DMBT1: variants seen among roughly 807,000 people sequenced by gnomAD.
The protein encoded by DMBT1 is scavenger receptor cysteine-rich domain-containing protein DMBT1.
DMBT1 carries 198 observed loss-of-function variants against 252.9 expected under a neutral mutation model. The ratio of observed to expected loss-of-function variants is 0.78; its 90% CI spans 0.70 to 0.88. DMBT1 has a LOEUF of 0.88. Ranked by LOEUF, DMBT1 falls within the 40% of genes least tolerant of loss-of-function variation. The pLI is 0.00. For synonymous variants in DMBT1, 990 were observed against 942.7 expected, an observed-to-expected ratio of 1.05 and a Z score of -0.92; for missense variants, 2,432 against 2,404.7, an observed-to-expected ratio of 1.01 and a Z score of -0.24.
chr10:122,587,844 C>A (rs1403534901), intron 16 of DMBT1, among the ~76,000 whole-genome samples: 1 of 148,446 alleles, frequency 6.7e-6, no homozygotes, highest in Non-Finnish European at 1.5e-5. Context: ...CAGATGTGTC[C>A]ATTAGTCCAT....
chr10:122,598,273 CT>C (rs1331536327), intron 25 of DMBT1, among the ~76,000 whole-genome samples: 6 of 152,110 alleles, frequency 3.9e-5, no homozygotes, highest in African/African-American at 1.4e-4. Context: ...AGGAAAAGCC[CT>C]GGAGGGTTCC....
chr10:122,618,268 T>C lies in DMBT1; in HGVS notation c.5143T>C (p.Trp1715Arg). 2 of 1,613,818 alleles carry C rather than the reference T, an allele frequency of 1.2e-6. No individual in the cohort carries two copies. Among genetic ancestry groups the C allele is most frequent in the Non-Finnish European group, 1.7e-6 (2 of 1,179,750 alleles). ...CTGCTCAGGACACGAGTCTTACCTG[T>C]GGAGCTGCCCCCACAATGGCTGGCT... ...VRCSGHESYL[W>R]SCPHNGWLSH... The change falls in exon 41 of 56, where the codon TGG becomes CGG. Residue 1715 changes from tryptophan (W) to arginine (R), a missense_variant. By Grantham distance (101) the Trp-to-Arg change is moderately radical (BLOSUM62 -3). Coordinates refer to ENST00000338354, the MANE Select transcript of DMBT1 (RefSeq NM_001377530.1).
rs111541582 is a variant in DMBT1 at position 122,561,569 on chromosome 10, CCTCTCT to C, written c.61+749_61+754del. Among the ~76,000 whole-genome samples, 171 of 90,340 alleles carry C rather than the reference CCTCTCT, an allele frequency of 1.9e-3. 1 individual carries two copies. Among genetic ancestry groups the C allele is most frequent in the African/African-American group, 6.3e-3 (150 of 23,792 alleles). 59.3% of individuals were successfully genotyped at this position (90,340 alleles called of 152,430 possible). On this transcript the variant is annotated intron_variant, in intron 1 of 55. Transcript: ENST00000338354. ...TTGTCTCTCTCTTCCTGTCTCTCTG[CCTCTCT>C]CTCTCTCTCTTTCTCTCTTATCTAT...
At chr10:122,622,803 T>A (rs978113953) in intron 44 of DMBT1, among the ~76,000 whole-genome samples, 1 of 152,218 alleles carries the variant, frequency 6.6e-6, no homozygotes, top group African/African-American at 2.4e-5. Context: ...TGCTACTTTT[T>A]AAAATAGGAA....
chr10:122,578,170 G>T (rs554014363), intron 8 of DMBT1, among the ~76,000 whole-genome samples: 2 of 152,158 alleles, frequency 1.3e-5, no homozygotes, highest in African/African-American at 4.8e-5. Flanking sequence ...AATTGAGGGT[G>T]AGACCCTCTA....
At chr10:122,639,033 T>C (rs2684743) in intron 54 of DMBT1, among the ~76,000 whole-genome samples, 84,709 of 152,124 alleles carry the variant, frequency 0.56, 26,217 homozygotes, top group African/African-American at 0.84. Flanking sequence ...GTCTAAGACA[T>C]AGAAGTAGGG....
chr10:122,572,468 C>T lies in DMBT1; in HGVS notation c.235+107C>T, dbSNP rs917973356. On this transcript the variant is annotated intron_variant, in intron 5 of 55. Coordinates refer to ENST00000338354, the MANE Select transcript of DMBT1 (RefSeq NM_001377530.1). The stretch of plus-strand genomic sequence containing the variant: ...GAGGACATAGAAAGTAGTGTGCTGG[C>T]GTCAGGTGCTCAGGTAGTGTGGATA... The T allele has an allele frequency of 2.5e-5, 37 of 1,470,382 alleles. 2 individuals carry two copies. Among genetic ancestry groups the T allele is most frequent in the South Asian group, 2.4e-4 (21 of 87,878 alleles). The allele number at this position is 1,470,382 out of a possible 1,614,324, so 91.1% of individuals were successfully genotyped here. A position where few individuals can be genotyped will look rare whatever the true frequency, so the allele number is the denominator to read the frequency against.
At chr10:122,566,346 T>TCACC (rs5788573) in intron 2 of DMBT1, among the ~76,000 whole-genome samples, 99,926 of 149,442 alleles carry the variant, frequency 0.67, 33,855 homozygotes, top group East Asian at 0.77. Flanking sequence ...GGAGTCTTGC[T>TCACC]CTGTCACCAG....
rs575856961 is a variant in DMBT1, at chr10:122,598,447, G to GA, written c.2957-326dup. Among the ~76,000 whole-genome samples, 479 of 152,294 alleles carry GA rather than the reference G, an allele frequency of 3.1e-3. 2 individuals carry two copies. The highest frequency in any genetic ancestry group is 0.01 in the African/African-American group (436 of 41,572). On this transcript the variant is annotated intron_variant, in intron 25 of 55. Transcript: ENST00000338354. The stretch of plus-strand genomic sequence containing the variant: ...ACCATAGGATTGCCACCAAGCTCCT[G>GA]AGATGGGGAGAGTCTGGCCTGCCTA...
chr10:122,620,193 T>G (rs2098049866), intron 42 of DMBT1, 60 bp from the exon 43 acceptor site: 4 of 1,566,594 alleles, frequency 2.6e-6, no homozygotes, highest in Admixed American at 1.7e-5. Context: ...CAGAGATTTT[T>G]TTTTGTAGCT....
rs748250744 is a variant in DMBT1 at position 122,590,730 on chromosome 10, T to C, written c.2137+36T>C. Reference sequence around the variant, plus strand: ...AGTGTCCTTCCTTGGGATGTCCCTTTTCTTTCTGCACAATTATCCTTTTTC... The same window carrying C: ...AGTGTCCTTCCTTGGGATGTCCCTTCTCTTTCTGCACAATTATCCTTTTTC... On this transcript the variant is annotated intron_variant, in intron 18 of 55. Transcript: ENST00000338354. 1.7e-5 allele frequency: 27 copies of C among 1,580,074 alleles called. 3 individuals are homozygous for C. The Admixed American group carries it at 4.4e-4, about 26-fold the overall frequency.
intron 46 of DMBT1, among the ~76,000 whole-genome samples, chr10:122,626,815 C>G (rs970430993): frequency 1.3e-5 from 2 of 152,194 alleles, no homozygotes; most frequent in Admixed American, 1.3e-4. Context: ...TAGTAGAGAT[C>G]TTCCTTGATT....
chr10:122,589,998 G>T (rs546118148), intron 17 of DMBT1, among the ~76,000 whole-genome samples: 1 of 148,532 alleles, frequency 6.7e-6, no homozygotes, highest in African/African-American at 2.4e-5. Context: ...CCCACTGAAA[G>T]GTTTAGGTGA....
At chr10:122,580,829 A>G (rs763008313) in intron 10 of DMBT1, 37 bp from the exon 11 acceptor site, 6 of 1,613,442 alleles carry the variant, frequency 3.7e-6, no homozygotes, top group African/African-American at 1.3e-5. Context: ...CTTCTGTGTA[A>G]TGTTCCTGAT....
intron 43 of DMBT1, among the ~76,000 whole-genome samples, chr10:122,620,767 A>G (rs59995482): frequency 0.069 from 10,455 of 152,304 alleles, 564 homozygotes; most frequent in South Asian, 0.23. Context: ...GTGCAGCTTC[A>G]TCCTGTGTGA....
intron 6 of DMBT1, among the ~76,000 whole-genome samples, chr10:122,575,523 T>TG (rs1491390103): frequency 1.4e-4 from 21 of 151,684 alleles, no homozygotes; most frequent in Middle Eastern, 3.4e-3. Flanking sequence ...TGGTTTTTTT[T>TG]GGGGGGGTGT....
Position 122,600,045 on chromosome 10 carries a change from T to C in DMBT1, c.3281-19T>C. The C allele has an allele frequency of 2.5e-6, 4 of 1,607,730 alleles. No individual in the cohort carries two copies. In the South Asian group the frequency reaches 3.3e-5, roughly 13 times the overall value. The stretch of plus-strand genomic sequence containing the variant: ...CTGTGTAATGTTCCTGATCTGACCT[T>C]CTCTTCTCTTTCTCACAGCTTCCCA... On this transcript the variant is annotated intron_variant, in intron 26 of 55. Transcript: ENST00000338354.
intron 41 of DMBT1, 30 bp downstream of exon 41, chr10:122,618,370 C>G: frequency 6.2e-7 from 1 of 1,613,770 alleles, no homozygotes; most frequent in South Asian, 1.1e-5. Context: ...GGCTCCCTCT[C>G]TTAAGTTGAA....
chr10:122,581,482 A>C (rs2097768225), intron 11 of DMBT1, among the ~76,000 whole-genome samples: 1 of 149,974 alleles, frequency 6.7e-6, no homozygotes. Context: ...TCCGAGCTTC[A>C]GCAATGGCGT....
Sources: allele counts gnomAD v4.1 joint callset (sites outside exome capture counted in the v4.1 genomes callset), GRCh38; gene constraint gnomAD v4.1.1; transcripts MANE v1.5; gene names NCBI Gene and HGNC (gene_info 2026-07-23, HGNC 2026-07-21).